RBM47: variants seen among roughly 807,000 people sequenced by gnomAD.
RBM47 encodes the protein RNA-binding protein 47.
RBM47 carries 21 observed loss-of-function variants against 47.1 expected under a neutral mutation model. That is an observed-to-expected ratio of 0.45 (90% CI 0.32 to 0.64). The LOEUF (loss-of-function observed/expected upper bound fraction) is 0.64, where lower values mean the gene tolerates loss of function less well. Ranked by LOEUF, RBM47 falls within the 30% of genes least tolerant of loss-of-function variation. The pLI is 0.05. For missense variants in RBM47, 708 were observed against 870.9 expected, an observed-to-expected ratio of 0.81 and a Z score of 2.35; for synonymous variants, 375 against 361.7, an observed-to-expected ratio of 1.04 and a Z score of -0.42.
At chr4:40,495,365 C>G (rs1157710290) in intron 2 of RBM47, among the ~76,000 whole-genome samples, 1 of 152,056 alleles carries the variant, frequency 6.6e-6, no homozygotes, top group East Asian at 1.9e-4. Flanking sequence ...CCCTTGGGAG[C>G]CTGAGGCAGG....
At chr4:40,468,122 C>A (rs1329319383) in intron 2 of RBM47, among the ~76,000 whole-genome samples, 1 of 152,100 alleles carries the variant, frequency 6.6e-6, no homozygotes, top group Admixed American at 6.5e-5. Context: ...CCTGTTACCG[C>A]TAAAAATACA....
chr4:40,623,058 G>A (rs1187606561), intron 1 of RBM47, among the ~76,000 whole-genome samples: 1 of 152,248 alleles, frequency 6.6e-6, no homozygotes, highest in East Asian at 1.9e-4. Flanking sequence ...TGACCAGGGT[G>A]TATGAGAACA....
intron 1 of RBM47, among the ~76,000 whole-genome samples, chr4:40,570,880 G>C (rs1249534792): frequency 6.6e-6 from 1 of 151,934 alleles, no homozygotes; most frequent in Non-Finnish European, 1.5e-5. Flanking sequence ...ACTAACAGAG[G>C]AAACAGTGGA....
chr4:40,542,340 T>C (rs542077274), intron 2 of RBM47, among the ~76,000 whole-genome samples: 20 of 151,754 alleles, frequency 1.3e-4, no homozygotes, highest in African/African-American at 4.1e-4. Context: ...ACCCCAACAC[T>C]CTCTCCATAC....
At chr4:40,507,429 G>T (rs992531377) in intron 2 of RBM47, among the ~76,000 whole-genome samples, 9 of 152,252 alleles carry the variant, frequency 5.9e-5, no homozygotes, top group Non-Finnish European at 1.0e-4. Context: ...CTAAATGAAA[G>T]TTTTTGAATA....
chr4:40,528,147 T>C (rs1726937192), intron 2 of RBM47, among the ~76,000 whole-genome samples: 1 of 152,180 alleles, frequency 6.6e-6, no homozygotes, highest in Non-Finnish European at 1.5e-5. Flanking sequence ...GTGTGGTGGC[T>C]CATGCCTGTA....
intron 2 of RBM47, among the ~76,000 whole-genome samples, chr4:40,478,017 T>TTTG (rs1254404579): frequency 6.9e-6 from 1 of 144,470 alleles, no homozygotes; most frequent in Non-Finnish European, 1.5e-5. Context: ...TTCTTTTTTT[T>TTTG]TTTTTTTTTT....
chr4:40,619,342 C>T (rs1737044573), intron 1 of RBM47, among the ~76,000 whole-genome samples: 1 of 152,050 alleles, frequency 6.6e-6, no homozygotes, highest in Non-Finnish European at 1.5e-5. Flanking sequence ...GCAGGAGGAT[C>T]ACTTGAGCCC....
intron 1 of RBM47, among the ~76,000 whole-genome samples, chr4:40,615,174 G>C (rs1205891990): frequency 1.3e-5 from 2 of 152,056 alleles, no homozygotes; most frequent in Non-Finnish European, 1.5e-5. Flanking sequence ...GCATACAGTG[G>C]GTGCTCAATA....
chr4:40,467,811 T>A (rs74745316), intron 2 of RBM47, among the ~76,000 whole-genome samples: 2,521 of 152,314 alleles, frequency 0.017, 76 homozygotes, highest in African/African-American at 0.057. Context: ...TCTGCCTGAT[T>A]TTCCAAACTA....
Position 40,463,751 on chromosome 4 carries a change from C to T in RBM47, c.-32+2826G>A, listed in dbSNP as rs778707827. ...GTGCAAAAGTGATTGCAGTTTTTGT[C>T]GTTACATTTAATGGCAAAAACTGCA... On this transcript the variant is annotated intron_variant, in intron 3 of 6. Transcript: ENST00000295971. Among the ~76,000 whole-genome samples, 47 of 150,898 alleles carry T rather than the reference C, an allele frequency of 3.1e-4. 1 individual carries two copies. The highest frequency in any genetic ancestry group is 5.0e-4 in the Non-Finnish European group (34 of 67,684).
rs1345142500 is a variant in RBM47 at position 40,437,800 on chromosome 4, A to G, written c.1094T>C (p.Ile365Thr). 2 of 1,608,414 alleles carry G rather than the reference A, an allele frequency of 1.2e-6. No individual in the cohort carries two copies. ...AYYGYPYNAL[I>T]GPNRDYFVKA... Reference sequence around the variant, plus strand: ...CACAAAGTAGTCCCTGTTGGGCCCAATGAGCGCGTTGTAGGGGTAGCCGTA... The same window carrying G: ...CACAAAGTAGTCCCTGTTGGGCCCAGTGAGCGCGTTGTAGGGGTAGCCGTA... Residue 365 changes from isoleucine (I) to threonine (T), a missense_variant, in exon 4 of 7, where the codon ATT (isoleucine) becomes ACT (threonine). By Grantham distance (89) the Ile-to-Thr change is moderately conservative. Transcript: ENST00000295971.
At chr4:40,466,177 A>G (rs1177798473) in intron 3 of RBM47, among the ~76,000 whole-genome samples, 1 of 144,638 alleles carries the variant, frequency 6.9e-6, no homozygotes, top group Non-Finnish European at 1.5e-5. Context: ...CTGAGTCACG[A>G]GAATTGCTTG....
chr4:40,480,625 C>T (rs1190990666), intron 2 of RBM47, among the ~76,000 whole-genome samples: 1 of 152,138 alleles, frequency 6.6e-6, no homozygotes, highest in Non-Finnish European at 1.5e-5. Context: ...GCCACAAAAT[C>T]TAATTTGAAT....
At chr4:40,434,458 A>T (rs1711960461) in intron 5 of RBM47, among the ~76,000 whole-genome samples, 1 of 152,068 alleles carries the variant, frequency 6.6e-6, no homozygotes, top group Non-Finnish European at 1.5e-5. Context: ...CCAGGACACA[A>T]CTTTACATAG....
chr4:40,625,193 T>C (rs1737630657), intron 1 of RBM47, among the ~76,000 whole-genome samples: 1 of 152,142 alleles, frequency 6.6e-6, no homozygotes, highest in Non-Finnish European at 1.5e-5. Flanking sequence ...ATCACCAACT[T>C]GGAACCCTCG....
At chr4:40,556,047 T>C (rs1358077572) in intron 1 of RBM47, among the ~76,000 whole-genome samples, 1 of 151,754 alleles carries the variant, frequency 6.6e-6, no homozygotes, top group Non-Finnish European at 1.5e-5. Context: ...CTTTTTTTTT[T>C]TTTTTTGAGA....
At chr4:40,599,744 A>G (rs1735073821) in intron 1 of RBM47, among the ~76,000 whole-genome samples, 1 of 151,776 alleles carries the variant, frequency 6.6e-6, no homozygotes, top group Admixed American at 6.6e-5. Context: ...AATTAGAAAA[A>G]AAAAAAAAAT....
At chr4:40,590,810 CCTTTT>C (rs1366324225) in intron 1 of RBM47, among the ~76,000 whole-genome samples, 2 of 152,100 alleles carry the variant, frequency 1.3e-5, no homozygotes, top group East Asian at 3.8e-4. Context: ...TTACATGATG[CCTTTT>C]CTTTTGAGAT....
Sources: gnomAD v4.1 joint callset for allele counts (sites outside exome capture counted in the v4.1 genomes callset) on GRCh38, gnomAD v4.1.1 for gene constraint, MANE v1.5 for transcripts, NCBI Gene and HGNC (gene_info 2026-07-23, HGNC 2026-07-21) for gene names.